FAM234A: variants seen among roughly 807,000 people sequenced by gnomAD.
The protein encoded by FAM234A is protein FAM234A.
A neutral mutation model predicts 49.1 loss-of-function variants in FAM234A; 42 were observed. The ratio of observed to expected loss-of-function variants is 0.86; its 90% CI spans 0.67 to 1.11. The LOEUF (loss-of-function observed/expected upper bound fraction) is 1.11. FAM234A is among the 50% of genes least tolerant of loss of function. The pLI, the probability that FAM234A is intolerant of heterozygous loss-of-function variation, is 0.00. For synonymous variants in FAM234A, 369 were observed against 316.2 expected (o/e 1.17, Z -1.77); for missense variants, 815 against 745.2 (o/e 1.09, Z -1.09).
At chr16:264,496 G>T in intron 11 of FAM234A, 118 bp from the exon 12 acceptor site, 1 of 804,988 alleles carries the variant, frequency 1.2e-6, no homozygotes, top group Non-Finnish European at 2.0e-6. Context: ...CTGGCATTTG[G>T]GGGACCCAGA....
chr16:269,348 C>T, downstream of FAM234A: 2 of 1,603,474 alleles, frequency 1.2e-6, no homozygotes, highest in South Asian at 1.1e-5. Context: ...AGGGCTGGGG[C>T]TCGAGTGCCG....
At position 262,114 on chromosome 16, in the gene FAM234A, G is replaced by T; in HGVS notation, c.730G>T (p.Gly244Cys). ...GCAGGTTAGTGGCCACCTCTACTCC[G>T]GCAGCACCGGGCACCAGATTGGCCT... is the stretch of plus-strand genomic sequence containing the variant. ...REEVSGHLYS[G>C]STGHQIGLRG... The change falls in exon 7 of 13, where the codon GGC (glycine) becomes TGC (cysteine). Residue 244 changes from glycine (G) to cysteine (C), a missense_variant. Transcript: ENST00000399932. 1 of 1,613,992 alleles carries T rather than the reference G, an allele frequency of 6.2e-7. No homozygotes were observed. Among genetic ancestry groups the T allele is most frequent in the Non-Finnish European group, 8.5e-7 (1 of 1,180,006 alleles).
At chr16:264,491 A>T in intron 11 of FAM234A, 123 bp from the exon 12 acceptor site, 1 of 787,230 alleles carries the variant, frequency 1.3e-6, no homozygotes, top group Non-Finnish European at 2.1e-6. Flanking sequence ...GGGGGCTGGC[A>T]TTTGGGGGAC....
At chr16:261,101 A>T (rs1167375324) in intron 5 of FAM234A, 1 of 329,468 alleles carries the variant, frequency 3.0e-6, no homozygotes. Context: ...GGAAGGGGGA[A>T]CTCTGCGGTT....
intron 1 of FAM234A, among the ~76,000 whole-genome samples, 179 bp downstream of exon 1, chr16:235,036 G>T (rs950479441): frequency 6.6e-6 from 1 of 152,236 alleles, no homozygotes; most frequent in Non-Finnish European, 1.5e-5. Context: ...AGGCTGCGGC[G>T]GGGCCCCAAG....
At chr16:235,803 C>G (rs1322896684) in intron 1 of FAM234A, among the ~76,000 whole-genome samples, 1 of 152,106 alleles carries the variant, frequency 6.6e-6, no homozygotes, top group African/African-American at 2.4e-5. Context: ...ACTTCCTGTC[C>G]TCAAGGAGCT....
At chr16:266,174 TC>T (rs562131477), downstream of FAM234A, 29 of 889,258 alleles carry the variant, frequency 3.3e-5, no homozygotes, top group Admixed American at 1.4e-3. Flanking sequence ...ATGGATTTGT[TC>T]CTGGAGGAGT....
In FAM234A at chr16:261,398, A is replaced by G. The variant is rs2051460147; in HGVS notation, c.592A>G (p.Asn198Asp). ...CTTGATTCTAGGGGAAACCCTGTGG[A>G]ACCACAGCAGCAGCTTCAGCGGGAA... ...VNLFTGETLW[N>D]HSSSFSGNAS... Residue 198 changes from asparagine to aspartate, a missense_variant, in exon 6 of 13, where the codon AAC becomes GAC. By Grantham distance (23) the Asn-to-Asp change is conservative. Transcript: ENST00000399932. 1 of 1,612,260 alleles carries G rather than the reference A, an allele frequency of 6.2e-7. No individual in the cohort carries two copies. Among genetic ancestry groups the G allele is most frequent in the East Asian group, 2.2e-5 (1 of 44,826 alleles).
chr16:248,148 G>C (rs376433859), intron 1 of FAM234A: 1 of 152,094 alleles, frequency 6.6e-6, no homozygotes, highest in Non-Finnish European at 1.5e-5. Flanking sequence ...ACCAATTGTA[G>C]ATGCTCACAA....
In FAM234A at chr16:254,660, A is replaced by ACC. The variant is rs2051159552; in HGVS notation, c.247_248insCC (p.Arg83ThrfsTer3). On this transcript the variant is annotated frameshift_variant, in exon 3 of 13. Coordinates refer to ENST00000399932, the MANE Select transcript of FAM234A (RefSeq NM_032039.4). LOFTEE classifies it high-confidence loss of function. The stretch of plus-strand genomic sequence containing the variant: ...CCGGCCGGCGTCACAGCGAATGTGG[A>ACC]GGATAGACTACAGTGCCGCTGGTGA... The ACC allele has an allele frequency of 1.2e-6, 2 of 1,613,028 alleles. No homozygotes were observed. The highest frequency in any genetic ancestry group is 1.3e-5 in the African/African-American group (1 of 74,796).
rs1232753985 is a variant in FAM234A at position 254,497 on chromosome 16, A to G, written c.84A>G (p.Pro28=). Residue 28 remains proline (P), a synonymous_variant, in exon 3 of 13, where the codon CCA becomes CCG. Coordinates refer to ENST00000399932, the MANE Select transcript of FAM234A (RefSeq NM_032039.4). The part of the protein sequence containing the change: ...ERKSQENLGN[P]SKNEDNVKSA... ...AATCGCAGGAAAATCTGGGAAATCC[A>G]TCAAAAAATGAGGATAACGTGAAAA... 3 of 1,614,252 alleles carry G rather than the reference A, an allele frequency of 1.9e-6. No individual in the cohort carries two copies. Among genetic ancestry groups the G allele is most frequent in the South Asian group, 1.1e-5 (1 of 91,086 alleles).
intron 1 of FAM234A, among the ~76,000 whole-genome samples, chr16:242,684 C>T (rs1215975832): frequency 6.6e-6 from 1 of 150,968 alleles, no homozygotes; most frequent in Non-Finnish European, 1.5e-5. Flanking sequence ...GCTATCTCAG[C>T]TCACTGCAAC....
intron 4 of FAM234A, 28 bp downstream of exon 4, chr16:259,627 G>A: frequency 2.2e-6 from 3 of 1,368,516 alleles, no homozygotes; most frequent in Admixed American, 1.7e-5. Flanking sequence ...GAAAAAGGCG[G>A]AGCTCCCTGT....
intron 3 of FAM234A, among the ~76,000 whole-genome samples, 162 bp from the exon 4 acceptor site, chr16:259,321 C>T (rs753085731): frequency 1.3e-5 from 2 of 152,094 alleles, no homozygotes; most frequent in Non-Finnish European, 2.9e-5. Context: ...CTGGTTTTCA[C>T]GAAGGAAATT....
Position 239,888 on chromosome 16 carries a change from C to T in FAM234A, c.-140+5031C>T, listed in dbSNP as rs559439586. On this transcript the variant is annotated intron_variant, in intron 1 of 12. Transcript: ENST00000399932. ...GACTGCATGTGCTGTGATACTTTTG[C>T]CTTTGTCATGGAACCATGATCTTTA... 2.0e-5 allele frequency among the ~76,000 whole-genome samples: 3 copies of T among 152,162 alleles called. No homozygotes were observed. In the South Asian group the frequency reaches 6.2e-4, roughly 32 times the overall value.
chr16:245,237 C>T (rs1388996183), intron 1 of FAM234A, among the ~76,000 whole-genome samples: 2 of 152,040 alleles, frequency 1.3e-5, no homozygotes, highest in Admixed American at 6.6e-5. Flanking sequence ...GTCCCAGCTA[C>T]TTTATAGGCT....
At chr16:250,336 C>G (rs1411021234) in intron 2 of FAM234A, among the ~76,000 whole-genome samples, 1 of 152,168 alleles carries the variant, frequency 6.6e-6, no homozygotes, top group African/African-American at 2.4e-5. Flanking sequence ...TGGCCCCAGC[C>G]CCTCAGGCCC....
intron 3 of FAM234A, among the ~76,000 whole-genome samples, chr16:257,539 C>T (rs547219888): frequency 6.0e-4 from 91 of 152,286 alleles, no homozygotes; most frequent in African/African-American, 2.2e-3. Context: ...AGCCACCGCA[C>T]TCAGCCTCCT....
In FAM234A at chr16:265,716, A is replaced by C; in HGVS notation, c.*694A>C. The C allele has an allele frequency of 3.0e-6, 3 of 985,566 alleles. No homozygotes were observed. Among genetic ancestry groups the C allele is most frequent in the Non-Finnish European group, 3.6e-6 (3 of 830,066 alleles). The allele number at this position is 985,566 out of a possible 1,614,324, so 61.1% of individuals were successfully genotyped here. ...TGGAGCTGAGCCCGTGGCCGCTCAC[A>C]GGTGTCCTTAGTGGTGTTGCAGCTG... On this transcript the variant is annotated 3_prime_UTR_variant, in exon 13 of 13. Transcript: ENST00000399932.
Sources: gnomAD v4.1 joint callset for allele counts (sites outside exome capture counted in the v4.1 genomes callset) on GRCh38, gnomAD v4.1.1 for gene constraint, MANE v1.5 for transcripts, NCBI Gene and HGNC (gene_info 2026-07-23, HGNC 2026-07-21) for gene names.